EPHB1: variants seen among roughly 807,000 people sequenced by gnomAD.
EPHB1 encodes the protein ephrin type-B receptor 1.
EPHB1 carries 30 observed loss-of-function variants against 94.4 expected under a neutral mutation model. The ratio of observed to expected loss-of-function variants is 0.32; its 90% CI spans 0.24 to 0.43. The LOEUF is 0.43. Ranked by LOEUF, EPHB1 falls within the 20% of genes least tolerant of loss-of-function variation. The pLI is 1.00. For synonymous variants in EPHB1, 522 were observed against 489.1 expected (o/e 1.07, Z -0.89); for missense variants, 1,055 against 1,308.3 (o/e 0.81, Z 2.99).
At chr3:134,800,873 A>G (rs1354887642) in intron 1 of EPHB1, among the ~76,000 whole-genome samples, 1 of 152,202 alleles carries the variant, frequency 6.6e-6, no homozygotes, top group Non-Finnish European at 1.5e-5. Flanking sequence ...AGATGAGAAG[A>G]CTGAGATATA....
chr3:135,076,135 A>G (rs1378185451), intron 3 of EPHB1, among the ~76,000 whole-genome samples: 1 of 152,036 alleles, frequency 6.6e-6, no homozygotes, highest in Non-Finnish European at 1.5e-5. Flanking sequence ...ACCTTAGGGC[A>G]AAGATTTCTT....
chr3:135,036,181 C>A (rs1016773543), intron 3 of EPHB1, among the ~76,000 whole-genome samples: 4 of 152,124 alleles, frequency 2.6e-5, no homozygotes, highest in African/African-American at 9.7e-5. Flanking sequence ...CAGAGGAGGC[C>A]GTTGGCATAG....
intron 3 of EPHB1, among the ~76,000 whole-genome samples, chr3:135,019,062 C>T (rs1025799503): frequency 6.6e-6 from 1 of 152,138 alleles, no homozygotes; most frequent in Non-Finnish European, 1.5e-5. Flanking sequence ...ACCAGGGCCT[C>T]AGCCATCACA....
intron 1 of EPHB1, among the ~76,000 whole-genome samples, chr3:134,822,197 C>T (rs1444727430): frequency 2.6e-5 from 4 of 152,190 alleles, no homozygotes; most frequent in African/African-American, 9.7e-5. Flanking sequence ...GCTTTAGGCC[C>T]TGTGGCTCCT....
At chr3:135,014,667 G>C (rs989081493) in intron 3 of EPHB1, among the ~76,000 whole-genome samples, 2 of 152,172 alleles carry the variant, frequency 1.3e-5, no homozygotes, top group Admixed American at 6.5e-5. Flanking sequence ...ACACATGCCT[G>C]CCCAGCGTCC....
intron 14 of EPHB1, 121 bp downstream of exon 14, chr3:135,248,630 C>T: frequency 1.0e-6 from 1 of 988,724 alleles, no homozygotes; most frequent in Non-Finnish European, 1.5e-6. Context: ...GCAGTGTGGG[C>T]CTTATGTTGA....
chr3:135,011,630 G>A (rs761293241), intron 3 of EPHB1, among the ~76,000 whole-genome samples: 35 of 152,270 alleles, frequency 2.3e-4, no homozygotes, highest in Admixed American at 9.8e-4. Flanking sequence ...GAAGATGGGA[G>A]TGGGGGAAAC....
intron 1 of EPHB1, among the ~76,000 whole-genome samples, chr3:134,867,681 C>T (rs780295624): frequency 4.6e-5 from 7 of 152,128 alleles, no homozygotes; most frequent in Admixed American, 2.6e-4. Flanking sequence ...GAAAAAACAC[C>T]GAATGAGTTC....
intron 12 of EPHB1, among the ~76,000 whole-genome samples, chr3:135,237,242 C>G (rs1943677170): frequency 6.6e-6 from 1 of 151,460 alleles, no homozygotes; most frequent in African/African-American, 2.4e-5. Flanking sequence ...AGGATTAATT[C>G]GCTGCCAGAT....
intron 1 of EPHB1, among the ~76,000 whole-genome samples, chr3:134,875,552 C>T (rs1227594407): frequency 1.3e-5 from 2 of 152,108 alleles, no homozygotes; most frequent in Non-Finnish European, 2.9e-5. Flanking sequence ...CCCCAAGCCT[C>T]CACATTAATG....
At chr3:134,865,678 A>G (rs1471762414) in intron 1 of EPHB1, among the ~76,000 whole-genome samples, 3 of 151,920 alleles carry the variant, frequency 2.0e-5, no homozygotes, top group African/African-American at 4.8e-5. Context: ...AGAAAGAAAG[A>G]AAGGGGCACT....
intron 5 of EPHB1, among the ~76,000 whole-genome samples, chr3:135,152,969 A>G (rs1288169181): frequency 6.6e-6 from 1 of 152,128 alleles, no homozygotes; most frequent in East Asian, 1.9e-4. Flanking sequence ...TCCTTATCAC[A>G]CTTCTAACTC....
intron 1 of EPHB1, among the ~76,000 whole-genome samples, chr3:134,810,276 A>AGTGTGTGT (rs35841212): frequency 0.049 from 7,140 of 145,806 alleles, 425 homozygotes; most frequent in African/African-American, 0.14. Context: ...GCACAGGAGG[A>AGTGTGTGT]GTGTGTGTGT....
chr3:135,172,706 G>A (rs1485207518), intron 9 of EPHB1, among the ~76,000 whole-genome samples: 2 of 152,236 alleles, frequency 1.3e-5, no homozygotes, highest in Non-Finnish European at 2.9e-5. Context: ...CAGAGCATTA[G>A]TCAATGAGGA....
chr3:135,074,583 A>G (rs1937842967), intron 3 of EPHB1, among the ~76,000 whole-genome samples: 1 of 152,160 alleles, frequency 6.6e-6, no homozygotes, highest in Admixed American at 6.5e-5. Flanking sequence ...TTAGATCTTA[A>G]ATATGTTATC....
chr3:135,205,099 T>A (rs550643992), intron 12 of EPHB1, among the ~76,000 whole-genome samples: 2 of 152,208 alleles, frequency 1.3e-5, no homozygotes, highest in Admixed American at 1.3e-4. Context: ...TTCAATTGCA[T>A]CCGTGTTGCT....
chr3:134,981,975 C>A (rs1333396103), intron 3 of EPHB1, among the ~76,000 whole-genome samples: 3 of 152,090 alleles, frequency 2.0e-5, no homozygotes, highest in African/African-American at 7.2e-5. Context: ...CTAATTTAAC[C>A]CACACTACAG....
At chr3:134,809,528 CTAAG>C (rs1398293606) in intron 1 of EPHB1, among the ~76,000 whole-genome samples, 2 of 152,154 alleles carry the variant, frequency 1.3e-5, no homozygotes, top group Non-Finnish European at 2.9e-5. Flanking sequence ...TATCTTGCTG[CTAAG>C]TATTTGGCAA....
intron 4 of EPHB1, among the ~76,000 whole-genome samples, chr3:135,119,722 A>C (rs1939870576): frequency 6.6e-6 from 1 of 152,162 alleles, no homozygotes; most frequent in Admixed American, 6.6e-5. Context: ...AAAGTGCTGT[A>C]GTTACAGGCG....
Sources: gnomAD v4.1 joint callset for allele counts (sites outside exome capture counted in the v4.1 genomes callset) on GRCh38, gnomAD v4.1.1 for gene constraint, MANE v1.5 for transcripts, NCBI Gene and HGNC (gene_info 2026-07-23, HGNC 2026-07-21) for gene names.